The following KCNQ1 variants were observed in gnomAD, a reference collection of about 807,000 sequenced individuals.
KCNQ1 encodes the protein potassium voltage-gated channel subfamily KQT member 1.
KCNQ1 carries 49 observed loss-of-function variants against 72.4 expected under a neutral mutation model. The ratio of observed to expected loss-of-function variants is 0.68; its 90% CI spans 0.54 to 0.86. The LOEUF is 0.86. KCNQ1 is among the 40% of genes least tolerant of loss of function. The pLI is 0.00. For missense variants in KCNQ1, 790 were observed against 945.1 expected, an observed-to-expected ratio of 0.84 and a Z score of 2.15; for synonymous variants, 450 against 412.6, an observed-to-expected ratio of 1.09 and a Z score of -1.10.
At chr11:2,505,456 T>C (rs1847087809) in intron 1 of KCNQ1, among the ~76,000 whole-genome samples, 1 of 152,174 alleles carries the variant, frequency 6.6e-6, no homozygotes, top group Non-Finnish European at 1.5e-5. Flanking sequence ...TGGTCATGGG[T>C]CGAGTGTTCT....
rs1030032035 is a variant in KCNQ1, at chr11:2,759,039, T to A, written c.1515-9805T>A. Among the ~76,000 whole-genome samples, 5 of 151,752 alleles carry A rather than the reference T, an allele frequency of 3.3e-5. No homozygotes were observed. The highest frequency in any genetic ancestry group is 9.7e-5 in the African/African-American group (4 of 41,290). On this transcript the variant is annotated intron_variant, in intron 11 of 15. Transcript: ENST00000155840. This position sits in a 1 kb window ranked among gnomAD's most constrained non-coding sequence, Gnocchi z 4.4. Reference sequence around the variant, plus strand: ...ACCAATGTCAATCTCCTGGCGTTGATCTGTTACTCCACCCATGCAAGGTGT... The same window carrying A: ...ACCAATGTCAATCTCCTGGCGTTGAACTGTTACTCCACCCATGCAAGGTGT...
intron 1 of KCNQ1, among the ~76,000 whole-genome samples, chr11:2,520,896 C>T (rs927726945): frequency 2.6e-5 from 4 of 152,090 alleles, no homozygotes; most frequent in East Asian, 1.9e-4. Context: ...GCTTTAGGTT[C>T]GCTTCACAAA....
intron 15 of KCNQ1, among the ~76,000 whole-genome samples, chr11:2,822,339 C>T (rs570916166): frequency 4.4e-4 from 67 of 152,290 alleles, no homozygotes; most frequent in African/African-American, 1.4e-3. Flanking sequence ...ACCAGCACAG[C>T]GCCAGGCCCT....
intron 6 of KCNQ1, among the ~76,000 whole-genome samples, chr11:2,573,699 A>G (rs1195511689): frequency 6.6e-6 from 1 of 151,986 alleles, no homozygotes; most frequent in South Asian, 2.1e-4. Context: ...GCCGGTGTGC[A>G]GCAGGCAGAT....
chr11:2,500,537 G>A (rs184692380), intron 1 of KCNQ1, among the ~76,000 whole-genome samples: 340 of 152,098 alleles, frequency 2.2e-3, no homozygotes, highest in African/African-American at 7.6e-3. Context: ...TATACCCAAA[G>A]GATTATAAAT....
intron 15 of KCNQ1, among the ~76,000 whole-genome samples, chr11:2,795,875 G>A (rs1847118132): frequency 6.6e-6 from 1 of 152,170 alleles, no homozygotes; most frequent in Non-Finnish European, 1.5e-5. Context: ...TGGGGCGGGG[G>A]CCGGGGGAAC....
chr11:2,684,901 A>AG (rs1218154075), intron 11 of KCNQ1: 8 of 398,538 alleles, frequency 2.0e-5, no homozygotes, highest in Non-Finnish European at 3.1e-5. Context: ...CTACATCATA[A>AG]GGTAGGTAAG....
rs547079937 is a variant in KCNQ1, at chr11:2,781,576, G to C, written c.1794+3539G>C. Reference sequence around the variant, plus strand: ...CCCACACAGGGCTGGCAGTCTGTGTGGGGGCTGCATACCCCAGACATTCTG... The same window carrying C: ...CCCACACAGGGCTGGCAGTCTGTGTCGGGGCTGCATACCCCAGACATTCTG... On this transcript the variant is annotated intron_variant, in intron 15 of 15. Coordinates refer to ENST00000155840, the MANE Select transcript of KCNQ1 (RefSeq NM_000218.3). The surrounding 1 kb of genome is among the most constrained non-coding windows in gnomAD (Gnocchi z 6.6). Among the ~76,000 whole-genome samples, 379 of 152,320 alleles carry C rather than the reference G, an allele frequency of 2.5e-3. 1 individual carries two copies. The highest frequency in any genetic ancestry group is 4.1e-3 in the Admixed American group (62 of 15,306).
intron 10 of KCNQ1, chr11:2,615,164 T>A (rs964206844): frequency 8.0e-5 from 32 of 398,144 alleles, no homozygotes; most frequent in African/African-American, 6.4e-4. Context: ...CTATTGTAAG[T>A]GGAATTTTAA....
At chr11:2,821,941 G>A (rs1207007887) in intron 15 of KCNQ1, among the ~76,000 whole-genome samples, 5 of 152,148 alleles carry the variant, frequency 3.3e-5, no homozygotes, top group Non-Finnish European at 5.9e-5. Flanking sequence ...TTTGCAGGGT[G>A]ACTAAGTGAA....
In KCNQ1 at chr11:2,724,705, G is replaced by A. The variant is rs1191561179; in HGVS notation, c.1515-44139G>A. 1.3e-5 allele frequency among the ~76,000 whole-genome samples: 2 copies of A among 152,240 alleles called. No homozygotes were observed. Among genetic ancestry groups the A allele is most frequent in the Non-Finnish European group, 2.9e-5 (2 of 68,042 alleles). On this transcript the variant is annotated intron_variant, in intron 11 of 15. Transcript: ENST00000155840. The surrounding 1 kb of genome is among the most constrained non-coding windows in gnomAD (Gnocchi z 6.8). Reference sequence around the variant, plus strand: ...GTGATTGTCCTGGGCTCACAGAGGAGGACGTGGGGACCTGCCCAAGGAGAC... The same window carrying A: ...GTGATTGTCCTGGGCTCACAGAGGAAGACGTGGGGACCTGCCCAAGGAGAC...
At chr11:2,792,185 T>C (rs1847040429) in intron 15 of KCNQ1, among the ~76,000 whole-genome samples, 1 of 152,154 alleles carries the variant, frequency 6.6e-6, no homozygotes, top group African/African-American at 2.4e-5. Flanking sequence ...GGGGTGGCCC[T>C]GCAGGCCCAG....
In KCNQ1 at chr11:2,567,796, G is replaced by A. The variant is rs994637074; in HGVS notation, c.478-2832G>A. 1.3e-5 allele frequency among the ~76,000 whole-genome samples: 2 copies of A among 152,156 alleles called. No individual in the cohort carries two copies. The highest frequency in any genetic ancestry group is 4.8e-5 in the African/African-American group (2 of 41,442). Reference sequence around the variant, plus strand: ...GGCAGGAGTCCTGCCATCTTCGAAGGCCAGCCCCTAAACAGGTTCCCTGAG... The same window carrying A: ...GGCAGGAGTCCTGCCATCTTCGAAGACCAGCCCCTAAACAGGTTCCCTGAG... On this transcript the variant is annotated intron_variant, in intron 2 of 15. Transcript: ENST00000155840. The surrounding 1 kb of genome is among the most constrained non-coding windows in gnomAD (Gnocchi z 6.6).
At chr11:2,688,179 C>T in intron 11 of KCNQ1, 1 of 398,754 alleles carries the variant, frequency 2.5e-6, no homozygotes, top group Non-Finnish European at 4.4e-6. Flanking sequence ...AGACAGCTCC[C>T]AAGCAAGGGG....
At chr11:2,727,948 A>G (rs944212882) in intron 11 of KCNQ1, among the ~76,000 whole-genome samples, 1 of 152,066 alleles carries the variant, frequency 6.6e-6, no homozygotes, top group African/African-American at 2.4e-5. Context: ...AAAGCGCTTC[A>G]TTTCCATCAT....
rs563196530 is a variant in KCNQ1 at position 2,698,408 on chromosome 11, T to C, written c.1514+36327T>C. The C allele has an allele frequency of 1.0e-5, 4 of 396,836 alleles. No individual in the cohort carries two copies. In the East Asian group the frequency reaches 1.1e-4, roughly 11 times the overall value. 24.6% of individuals were successfully genotyped at this position (396,836 alleles called of 1,614,324 possible). A position where few individuals can be genotyped will look rare whatever the true frequency, so the allele number is the denominator to read the frequency against. On this transcript the variant is annotated intron_variant, in intron 11 of 15. Coordinates refer to ENST00000155840, the MANE Select transcript of KCNQ1 (RefSeq NM_000218.3). The surrounding 1 kb of genome is among the most constrained non-coding windows in gnomAD (Gnocchi z 5.1). ...ACAGTGGGGTACTGGGATCTGAACA[T>C]AGTGGTGGCCCTTCAAGCCTACTAC...
rs373467697 is a variant in KCNQ1, at chr11:2,587,701, C to T, written c.1251+9C>T. 2 of 1,613,576 alleles carry T rather than the reference C, an allele frequency of 1.2e-6. No individual in the cohort carries two copies. Among genetic ancestry groups the T allele is most frequent in the African/African-American group, 1.3e-5 (1 of 75,056 alleles). On this transcript the variant is annotated intron_variant, in intron 9 of 15. Transcript: ENST00000155840. ...CCAAGAAGTCTGTGGTGGTGAGTAG[C>T]CCACCTGCCACCAGGGCAGGGCCTT...
At chr11:2,472,016 GTGTA>G (rs1209217536) in intron 1 of KCNQ1, among the ~76,000 whole-genome samples, 1 of 151,860 alleles carries the variant, frequency 6.6e-6, no homozygotes, top group Admixed American at 6.6e-5. Context: ...ATGTGTATAG[GTGTA>G]TGTATGGTTG....
At position 2,668,696 on chromosome 11, in the gene KCNQ1, T is replaced by A; in HGVS notation, c.1514+6615T>A. 2.5e-6 allele frequency: 1 copy of A among 398,570 alleles called. No homozygotes were observed. The highest frequency in any genetic ancestry group is 4.4e-5 in the Admixed American group (1 of 22,726). The allele number at this position is 398,570 out of a possible 1,614,324, so 24.7% of individuals were successfully genotyped here. On this transcript the variant is annotated intron_variant, in intron 11 of 15. Transcript: ENST00000155840. The surrounding 1 kb of genome is among the most constrained non-coding windows in gnomAD (Gnocchi z 4.3). ...TTGTCAGAGAGAGAGATACACACAC[T>A]CACACTCTCTCACAGACACACACAT...
Sources: gnomAD v4.1 joint callset for allele counts (sites outside exome capture counted in the v4.1 genomes callset) on GRCh38, gnomAD v4.1.1 for gene constraint, Gnocchi (gnomAD v3.1) non-coding constraint, MANE v1.5 for transcripts, NCBI Gene and HGNC (gene_info 2026-07-23, HGNC 2026-07-21) for gene names.